ACSS3: variants seen among roughly 807,000 people sequenced by gnomAD.
ACSS3 encodes the protein acyl-CoA synthetase short-chain family member 3, mitochondrial.
Under a neutral mutation model 84.2 loss-of-function variants are expected in ACSS3, and 64 were observed. That is an observed-to-expected ratio of 0.76 (90% confidence interval 0.62 to 0.94). The LOEUF (loss-of-function observed/expected upper bound fraction) is 0.94, where lower values mean the gene tolerates loss of function less well. ACSS3 is among the 40% of genes least tolerant of loss of function. The pLI, the probability that ACSS3 is intolerant of heterozygous loss-of-function variation, is 0.00. For missense variants in ACSS3, 815 were observed against 867.6 expected, an observed-to-expected ratio of 0.94 and a Z score of 0.76; for synonymous variants, 317 against 310.1, an observed-to-expected ratio of 1.02 and a Z score of -0.23.
At chr12:81,201,772 A>G (rs540233347) in intron 9 of ACSS3, among the ~76,000 whole-genome samples, 10 of 152,240 alleles carry the variant, frequency 6.6e-5, no homozygotes, top group African/African-American at 1.7e-4. Flanking sequence ...TTTGTTTGGT[A>G]TTCTGTCCTA....
intron 3 of ACSS3, among the ~76,000 whole-genome samples, chr12:81,135,974 T>A (rs1315889503): frequency 6.6e-6 from 1 of 152,166 alleles, no homozygotes; most frequent in Non-Finnish European, 1.5e-5. Flanking sequence ...ATAACTAATT[T>A]GTTCATTCAA....
At chr12:81,233,578 T>G in intron 13 of ACSS3, 107 bp downstream of exon 13, 1 of 1,402,652 alleles carries the variant, frequency 7.1e-7, no homozygotes, top group South Asian at 1.3e-5. Flanking sequence ...ACCCTTCATT[T>G]GCAGCAGAGG....
intron 8 of ACSS3, among the ~76,000 whole-genome samples, chr12:81,192,897 C>A (rs2135877930): frequency 6.6e-6 from 1 of 152,152 alleles, no homozygotes; most frequent in East Asian, 1.9e-4. Context: ...TTTGAGTTCT[C>A]TGATGTATTC....
chr12:81,242,853 G>A (rs2033855588), intron 13 of ACSS3, among the ~76,000 whole-genome samples: 1 of 152,024 alleles, frequency 6.6e-6, no homozygotes, highest in African/African-American at 2.4e-5. Flanking sequence ...TTGATGGGAT[G>A]TATCTCAAAA....
chr12:81,095,890 C>A (rs1050549985), intron 1 of ACSS3, among the ~76,000 whole-genome samples: 1 of 152,178 alleles, frequency 6.6e-6, no homozygotes, highest in Non-Finnish European at 1.5e-5. Context: ...CATCAGGTTT[C>A]TCTGTTAAAA....
chr12:81,188,804 T>G (rs1359481825), intron 8 of ACSS3, among the ~76,000 whole-genome samples: 1 of 152,134 alleles, frequency 6.6e-6, no homozygotes, highest in African/African-American at 2.4e-5. Context: ...AGTTGGCAGA[T>G]ACAGTCATAC....
At chr12:81,090,019 A>T (rs185899120) in intron 1 of ACSS3, among the ~76,000 whole-genome samples, 1 of 152,112 alleles carries the variant, frequency 6.6e-6, no homozygotes, top group Non-Finnish European at 1.5e-5. Context: ...TACATAGCAG[A>T]ACCTAGAGAG....
intron 2 of ACSS3, 99 bp from the exon 3 acceptor site, chr12:81,134,717 T>C: frequency 3.6e-6 from 4 of 1,101,100 alleles, no homozygotes; most frequent in Non-Finnish European, 4.8e-6. Flanking sequence ...TTTAATCTAC[T>C]ACCAAGCGGG....
At chr12:81,249,972 C>A (rs2034098728) in intron 13 of ACSS3, among the ~76,000 whole-genome samples, 1 of 151,926 alleles carries the variant, frequency 6.6e-6, no homozygotes, top group Non-Finnish European at 1.5e-5. Flanking sequence ...ACCTAAGAAA[C>A]AACAGATGAC....
At chr12:81,175,264 C>T (rs528404377) in intron 8 of ACSS3, among the ~76,000 whole-genome samples, 1 of 152,144 alleles carries the variant, frequency 6.6e-6, no homozygotes, top group East Asian at 1.9e-4. Context: ...TACAGATGTA[C>T]TAACATCTGC....
intron 9 of ACSS3, among the ~76,000 whole-genome samples, chr12:81,207,057 C>T (rs147549503): frequency 9.9e-5 from 15 of 152,222 alleles, no homozygotes; most frequent in East Asian, 7.7e-4. Context: ...AGGGACTAAA[C>T]GCTGGGAAAT....
In ACSS3 at chr12:81,256,692, A is replaced by G. The variant is rs866350802; in HGVS notation, c.*1770A>G. The G allele has an allele frequency of 6.6e-6, 1 of 152,148 alleles. No homozygotes were observed. The highest frequency in any genetic ancestry group is 1.5e-5 in the Non-Finnish European group (1 of 67,986). 9.4% of individuals were successfully genotyped at this position (152,148 alleles called of 1,614,324 possible). A position where few individuals can be genotyped will look rare whatever the true frequency, so the allele number is the denominator to read the frequency against. On this transcript the variant is annotated 3_prime_UTR_variant, in exon 16 of 16. Coordinates refer to ENST00000548058, the MANE Select transcript of ACSS3 (RefSeq NM_024560.4). ...ATAAAAATGACCTACAACTTATATAAAAAAATTCTGAAAATGTTGACTTTT... is the reference window on the plus strand; with the variant it reads ...ATAAAAATGACCTACAACTTATATAGAAAAATTCTGAAAATGTTGACTTTT...
chr12:81,138,890 A>G (rs1340891184), intron 3 of ACSS3, among the ~76,000 whole-genome samples: 3 of 152,202 alleles, frequency 2.0e-5, no homozygotes, highest in Non-Finnish European at 4.4e-5. Context: ...TACATTTCAT[A>G]CATATGAGTC....
intron 1 of ACSS3, among the ~76,000 whole-genome samples, chr12:81,099,652 A>G (rs1269698638): frequency 6.6e-6 from 1 of 152,238 alleles, no homozygotes; most frequent in African/African-American, 2.4e-5. Flanking sequence ...CTCAGTAACC[A>G]AATTTGCAGA....
At chr12:81,095,465 A>G (rs1881977084) in intron 1 of ACSS3, among the ~76,000 whole-genome samples, 1 of 152,180 alleles carries the variant, frequency 6.6e-6, no homozygotes, top group South Asian at 2.1e-4. Context: ...ACCAAATCCT[A>G]TGTCCTTTTA....
chr12:81,090,809 G>C (rs761998851), intron 1 of ACSS3, among the ~76,000 whole-genome samples: 2 of 151,956 alleles, frequency 1.3e-5, no homozygotes, highest in African/African-American at 2.4e-5. Flanking sequence ...AAGTAGGGAA[G>C]GTAGGGAAAT....
chr12:81,111,055 A>T (rs1883538664), intron 2 of ACSS3, among the ~76,000 whole-genome samples: 1 of 152,192 alleles, frequency 6.6e-6, no homozygotes, highest in Non-Finnish European at 1.5e-5. Context: ...AAGAGAGAAG[A>T]GTTAGACCAG....
chr12:81,216,041 A>G (rs2032899800), intron 9 of ACSS3, among the ~76,000 whole-genome samples: 1 of 152,090 alleles, frequency 6.6e-6, no homozygotes, highest in Non-Finnish European at 1.5e-5. Context: ...TTGAAAAACT[A>G]TTGCCAAATT....
chr12:81,167,942 C>T (rs1185526428), intron 7 of ACSS3, among the ~76,000 whole-genome samples: 2 of 152,114 alleles, frequency 1.3e-5, no homozygotes, highest in African/African-American at 4.8e-5. Context: ...GTGGGACCTA[C>T]CACAAGGAGA....
Sources: allele counts gnomAD v4.1 joint callset (sites outside exome capture counted in the v4.1 genomes callset), GRCh38; gene constraint gnomAD v4.1.1; transcripts MANE v1.5; gene names NCBI Gene and HGNC (gene_info 2026-07-23, HGNC 2026-07-21).